ACOXL: variants seen among roughly 807,000 people sequenced by gnomAD.
ACOXL encodes the protein acyl-coenzyme A oxidase-like protein.
A neutral mutation model predicts 71.9 loss-of-function variants in ACOXL; 70 were observed. The observed-to-expected ratio is 0.97, with a 90% CI of 0.80 to 1.19. The LOEUF is 1.19. Among genes scored for constraint, ACOXL ranks in the 50% most tolerant of loss-of-function variants. ACOXL has a pLI of 0.00. For synonymous variants in ACOXL, 253 were observed against 281.6 expected, an observed-to-expected ratio of 0.90 and a Z score of 1.02; for missense variants, 703 against 736.3, an observed-to-expected ratio of 0.95 and a Z score of 0.52.
At chr2:110,759,398 T>A (rs1442856682) in intron 1 of ACOXL, among the ~76,000 whole-genome samples, 1 of 152,240 alleles carries the variant, frequency 6.6e-6, no homozygotes, top group African/African-American at 2.4e-5. Flanking sequence ...AGTTGGCTCT[T>A]CTTGTTGAAT....
chr2:110,937,614 A>G (rs988197032), intron 12 of ACOXL, among the ~76,000 whole-genome samples: 2 of 152,210 alleles, frequency 1.3e-5, no homozygotes, highest in Non-Finnish European at 2.9e-5. Flanking sequence ...TTAAGCTCAT[A>G]TGCATACATG....
At chr2:111,067,693 A>G (rs936676761) in intron 16 of ACOXL, among the ~76,000 whole-genome samples, 4 of 152,266 alleles carry the variant, frequency 2.6e-5, no homozygotes, top group Admixed American at 1.3e-4. Context: ...TTAGGAAAAT[A>G]TAAGTTGCTG....
intron 3 of ACOXL, among the ~76,000 whole-genome samples, chr2:110,785,260 T>A (rs1279953430): frequency 6.6e-6 from 1 of 152,174 alleles, no homozygotes; most frequent in Admixed American, 6.5e-5. Context: ...TTAGTCATGG[T>A]GACATCTTAT....
intron 10 of ACOXL, among the ~76,000 whole-genome samples, chr2:110,862,118 C>T (rs979175001): frequency 3.3e-5 from 5 of 152,196 alleles, no homozygotes; most frequent in African/African-American, 9.7e-5. Context: ...AGAACCCTCA[C>T]GCTTTGGCAT....
chr2:110,901,812 A>T (rs977593989), intron 10 of ACOXL, among the ~76,000 whole-genome samples: 3 of 152,056 alleles, frequency 2.0e-5, no homozygotes, highest in Non-Finnish European at 4.4e-5. Flanking sequence ...GATCACTTGA[A>T]ACCAGGAGTT....
intron 5 of ACOXL, among the ~76,000 whole-genome samples, chr2:110,794,489 T>C (rs1685044300): frequency 6.6e-6 from 1 of 152,156 alleles, no homozygotes; most frequent in African/African-American, 2.4e-5. Flanking sequence ...ACTAAAACCA[T>C]TTTGTAGTCG....
Position 110,805,221 on chromosome 2 carries a change from A to G in ACOXL, c.621-42A>G, listed in dbSNP as rs777189289. The G allele has an allele frequency of 6.2e-6, 10 of 1,611,546 alleles. No homozygotes were observed. The African/African-American group carries it at 6.7e-5, about 11-fold the overall frequency. ...ACCTGACTTCGTTTCTGGTGGTGCT[A>G]TGTCCTGCTTTTTTGTGAAACCCCA... On this transcript the variant is annotated intron_variant, in intron 8 of 17. Transcript: ENST00000439055.
intron 16 of ACOXL, among the ~76,000 whole-genome samples, chr2:111,062,577 C>CA (rs1375463995): frequency 6.6e-6 from 1 of 151,888 alleles, no homozygotes; most frequent in Non-Finnish European, 1.5e-5. Context: ...AAGCAAACCT[C>CA]AAAAAATTTA....
chr2:110,777,997 T>C (rs1436293142), intron 2 of ACOXL, among the ~76,000 whole-genome samples: 3 of 152,228 alleles, frequency 2.0e-5, no homozygotes, highest in Admixed American at 6.5e-5. Context: ...GAAGCTCGCA[T>C]TGGGACCAGC....
chr2:110,941,080 G>A (rs561650246), intron 12 of ACOXL, among the ~76,000 whole-genome samples: 1 of 152,280 alleles, frequency 6.6e-6, no homozygotes, highest in Admixed American at 6.5e-5. Context: ...TTAAATGAAC[G>A]ATACTGGTTG....
At chr2:110,833,153 CA>C in intron 9 of ACOXL, among the ~76,000 whole-genome samples, 1 of 152,286 alleles carries the variant, frequency 6.6e-6, no homozygotes, top group Non-Finnish European at 1.5e-5. Flanking sequence ...ACTCATAACT[CA>C]ACTGGAAATA....
At chr2:111,026,537 A>C (rs927529196) in intron 14 of ACOXL, among the ~76,000 whole-genome samples, 15 of 150,028 alleles carry the variant, frequency 1.0e-4, no homozygotes, top group African/African-American at 3.6e-4. Context: ...AATATAAAAT[A>C]TATTTTATAA....
At chr2:110,997,504 T>C (rs2063450371) in intron 14 of ACOXL, among the ~76,000 whole-genome samples, 1 of 152,196 alleles carries the variant, frequency 6.6e-6, no homozygotes, top group South Asian at 2.1e-4. Context: ...AGTACTCCTC[T>C]AAAGAGGAAA....
chr2:111,074,779 G>A (rs936719920), intron 16 of ACOXL, among the ~76,000 whole-genome samples: 1 of 151,872 alleles, frequency 6.6e-6, no homozygotes, highest in Non-Finnish European at 1.5e-5. Flanking sequence ...ATTTTTTTTA[G>A]AGACAGGGTT....
chr2:110,783,406 T>C (rs1683574128), intron 2 of ACOXL, among the ~76,000 whole-genome samples: 1 of 152,160 alleles, frequency 6.6e-6, no homozygotes, highest in Admixed American at 6.5e-5. Context: ...CAAGATGCAT[T>C]GGGTTGGAGC....
chr2:110,798,874 T>G, intron 6 of ACOXL, 140 bp from the exon 7 acceptor site: 1 of 1,142,516 alleles, frequency 8.8e-7, no homozygotes, highest in Non-Finnish European at 1.3e-6. Flanking sequence ...TCATTACATT[T>G]TGACATTATA....
intron 9 of ACOXL, among the ~76,000 whole-genome samples, chr2:110,816,280 A>G (rs985197056): frequency 1.3e-5 from 2 of 152,128 alleles, no homozygotes; most frequent in African/African-American, 4.8e-5. Flanking sequence ...GGATGGATAG[A>G]GAGATAGATG....
At chr2:110,906,796 G>A (rs2059468126) in intron 10 of ACOXL, among the ~76,000 whole-genome samples, 1 of 152,150 alleles carries the variant, frequency 6.6e-6, no homozygotes, top group Admixed American at 6.5e-5. Context: ...TGGGCTCAGT[G>A]GCTGGGACTC....
chr2:111,088,386 A>G (rs528021008), intron 16 of ACOXL, among the ~76,000 whole-genome samples: 28 of 152,362 alleles, frequency 1.8e-4, no homozygotes, highest in South Asian at 8.3e-4. Flanking sequence ...AAGACATGCA[A>G]TCAACCTAAA....
Sources: allele counts gnomAD v4.1 joint callset (sites outside exome capture counted in the v4.1 genomes callset), GRCh38; gene constraint gnomAD v4.1.1; transcripts MANE v1.5; gene names NCBI Gene and HGNC (gene_info 2026-07-23, HGNC 2026-07-21).